The following DAPP1 variants were observed in gnomAD, a reference collection of about 807,000 sequenced individuals.
DAPP1 encodes dual adaptor of phosphotyrosine and 3-phosphoinositides 1, also known as dual adapter for phosphotyrosine and 3-phosphotyrosine and 3-phosphoinositide.
DAPP1 carries 20 observed loss-of-function variants against 41.5 expected under a neutral mutation model. That is an observed-to-expected ratio of 0.48 (90% CI 0.34 to 0.70). The LOEUF (loss-of-function observed/expected upper bound fraction) is 0.70. Among genes scored for constraint, DAPP1 ranks in the 30% least tolerant of loss-of-function variants. The pLI, the probability that DAPP1 is intolerant of heterozygous loss-of-function variation, is 0.01. For missense variants in DAPP1, 233 were observed against 333.4 expected, an observed-to-expected ratio of 0.70 and a Z score of 2.35; for synonymous variants, 113 against 116.2, an observed-to-expected ratio of 0.97 and a Z score of 0.18.
At chr4:99,828,567 TG>T (rs573512417) in intron 1 of DAPP1, among the ~76,000 whole-genome samples, 1 of 152,190 alleles carries the variant, frequency 6.6e-6, no homozygotes, top group Admixed American at 6.5e-5. Flanking sequence ...TCCACTATTC[TG>T]GAGCAATTTT....
intron 8 of DAPP1, chr4:99,866,550 T>C (rs747961687): frequency 4.2e-5 from 32 of 765,882 alleles, no homozygotes; most frequent in Non-Finnish European, 7.2e-5. Flanking sequence ...AGCATCACTT[T>C]GTGCAGGTCA....
intron 3 of DAPP1, 71 bp downstream of exon 3, chr4:99,840,493 AT>A: frequency 6.7e-7 from 1 of 1,487,038 alleles, no homozygotes; most frequent in Non-Finnish European, 9.1e-7. Context: ...GCAGATTTCA[AT>A]TTAAGAATGT....
intron 3 of DAPP1, among the ~76,000 whole-genome samples, chr4:99,846,176 A>G (rs1330904404): frequency 6.6e-6 from 1 of 152,178 alleles, no homozygotes; most frequent in Admixed American, 6.5e-5. Flanking sequence ...CTGCCTCCTA[A>G]AGAATCAATT....
intron 1 of DAPP1, among the ~76,000 whole-genome samples, chr4:99,834,410 A>G (rs1447151641): frequency 6.6e-6 from 1 of 151,834 alleles, no homozygotes; most frequent in African/African-American, 2.4e-5. Flanking sequence ...TTTTTACCAT[A>G]GATATATATT....
At chr4:99,817,542 T>C (rs1297754596) in intron 1 of DAPP1, among the ~76,000 whole-genome samples, 1 of 152,190 alleles carries the variant, frequency 6.6e-6, no homozygotes, top group Admixed American at 6.5e-5. Context: ...ATTTGTGAGA[T>C]TTGATATCGT....
intron 4 of DAPP1, among the ~76,000 whole-genome samples, chr4:99,860,984 G>T (rs1443151948): frequency 6.6e-6 from 1 of 152,152 alleles, no homozygotes; most frequent in Non-Finnish European, 1.5e-5. Flanking sequence ...TCTTATTTCA[G>T]ATTCATTTTG....
At chr4:99,838,032 G>A (rs1723359108) in intron 2 of DAPP1, among the ~76,000 whole-genome samples, 1 of 152,164 alleles carries the variant, frequency 6.6e-6, no homozygotes, top group Non-Finnish European at 1.5e-5. Flanking sequence ...AAACAATGGG[G>A]AGCAACTATA....
In DAPP1 at chr4:99,830,786, T is replaced by C. The variant is rs936034825; in HGVS notation, c.102-4837T>C. Among the ~76,000 whole-genome samples, 4 of 150,832 alleles carry C rather than the reference T, an allele frequency of 2.7e-5. No individual in the cohort carries two copies. In the South Asian group the frequency reaches 6.3e-4, roughly 24 times the overall value. On this transcript the variant is annotated intron_variant, in intron 1 of 8. Coordinates refer to ENST00000512369, the MANE Select transcript of DAPP1 (RefSeq NM_014395.3). ...TCTTTCTCTCTCTCTCTCTTTCTCT[T>C]TCTCTCTCTCTCTCTCAATCTTCAC...
intron 3 of DAPP1, among the ~76,000 whole-genome samples, chr4:99,847,416 T>G (rs1723703338): frequency 1.2e-5 from 1 of 81,498 alleles, no homozygotes. Context: ...CTCTTACACA[T>G]AACTGTAAGT....
chr4:99,862,903 T>G, intron 5 of DAPP1, 107 bp from the exon 6 acceptor site: 1 of 826,870 alleles, frequency 1.2e-6, no homozygotes. Context: ...GTATTTAATT[T>G]TTTAGATACT....
At chr4:99,821,468 T>C (rs1237820711) in intron 1 of DAPP1, among the ~76,000 whole-genome samples, 1 of 152,232 alleles carries the variant, frequency 6.6e-6, no homozygotes, top group East Asian at 1.9e-4. Flanking sequence ...CAATTAGTAA[T>C]TATTGGATGC....
intron 1 of DAPP1, among the ~76,000 whole-genome samples, chr4:99,828,676 C>T (rs1723025402): frequency 6.6e-6 from 1 of 152,142 alleles, no homozygotes; most frequent in Non-Finnish European, 1.5e-5. Flanking sequence ...TTCTCTGTGG[C>T]TGAGTTTATT....
At chr4:99,844,282 C>G (rs1425384161) in intron 3 of DAPP1, 2 of 152,196 alleles carry the variant, frequency 1.3e-5, no homozygotes, top group Non-Finnish European at 1.5e-5. Flanking sequence ...GCAAAGGACA[C>G]GAACTTCCTA....
intron 4 of DAPP1, among the ~76,000 whole-genome samples, chr4:99,853,997 TA>T (rs1197334810): frequency 6.6e-6 from 1 of 152,196 alleles, no homozygotes; most frequent in South Asian, 2.1e-4. Context: ...TAAGAAAATA[TA>T]TTTTTTTAAA....
intron 3 of DAPP1, among the ~76,000 whole-genome samples, chr4:99,842,232 A>T (rs1723517877): frequency 6.6e-6 from 1 of 152,244 alleles, no homozygotes; most frequent in Non-Finnish European, 1.5e-5. Context: ...GATTGTAAGG[A>T]TTTGTCATCC....
intron 3 of DAPP1, among the ~76,000 whole-genome samples, chr4:99,847,164 A>T (rs2110152910): frequency 6.6e-6 from 1 of 152,330 alleles, no homozygotes; most frequent in East Asian, 1.9e-4. Flanking sequence ...GCCTTCAAAC[A>T]CCTTACAGGC....
intron 3 of DAPP1, among the ~76,000 whole-genome samples, chr4:99,846,460 G>A (rs1248894932): frequency 1.3e-5 from 2 of 152,106 alleles, no homozygotes; most frequent in Non-Finnish European, 2.9e-5. Context: ...GACTTATTGT[G>A]AAGATTGAAT....
intron 4 of DAPP1, among the ~76,000 whole-genome samples, chr4:99,858,482 G>T (rs1198597291): frequency 6.6e-6 from 1 of 152,188 alleles, no homozygotes. Flanking sequence ...TGGTGTGTTT[G>T]ATTACTTAAG....
At chr4:99,854,741 C>A (rs1289260022) in intron 4 of DAPP1, among the ~76,000 whole-genome samples, 1 of 152,224 alleles carries the variant, frequency 6.6e-6, no homozygotes, top group Non-Finnish European at 1.5e-5. Context: ...TATCACGGAT[C>A]ATTATCTTCC....
Sources: gnomAD v4.1 joint callset for allele counts (sites outside exome capture counted in the v4.1 genomes callset) on GRCh38, gnomAD v4.1.1 for gene constraint, MANE v1.5 for transcripts, NCBI Gene and HGNC (gene_info 2026-07-23, HGNC 2026-07-21) for gene names.